Variants in COL4A2 observed in about 807,000 individuals in gnomAD.
The protein encoded by COL4A2 is collagen alpha-2(IV) chain.
In COL4A2, 99 loss-of-function variants were observed where a neutral mutation model predicts 200.2. The ratio of observed to expected loss-of-function variants is 0.49; its 90% confidence interval spans 0.42 to 0.58. The LOEUF is 0.58. Ranked by LOEUF, COL4A2 falls within the 20% of genes least tolerant of loss-of-function variation. COL4A2 has a pLI of 0.00. For missense variants in COL4A2, 1,950 were observed against 2,314.1 expected, an observed-to-expected ratio of 0.84 and a Z score of 3.23; for synonymous variants, 897 against 900.6, an observed-to-expected ratio of 1.00 and a Z score of 0.07.
Position 110,462,306 on chromosome 13 carries a change from T to G in COL4A2, c.1698T>G (p.Gly566=). The G allele has an allele frequency of 1.2e-6, 2 of 1,614,204 alleles. No homozygotes were observed. Among genetic ancestry groups the G allele is most frequent in the Non-Finnish European group, 1.7e-6 (2 of 1,180,044 alleles). Residue 566 remains glycine, a synonymous_variant, in exon 24 of 48, where the codon GGT becomes GGG. Transcript: ENST00000360467. ...KGERGQPGVP[G]VPGMKGDDGS... ...AGCGGGGACAGCCCGGCGTCCCAGG[T>G]GTGCCCGGGATGAAAGGTGACGATG...
At position 110,445,817 on chromosome 13, in the gene COL4A2, T is replaced by C. The variant is rs769495793; in HGVS notation, c.958-12T>C. The C allele has an allele frequency of 8.7e-6, 14 of 1,614,134 alleles. No homozygotes were observed. The Admixed American group carries it at 1.7e-4, about 19-fold the overall frequency. On this transcript the variant is annotated splice_polypyrimidine_tract_variant and intron_variant, in intron 16 of 47. Coordinates refer to ENST00000360467, the MANE Select transcript of COL4A2 (RefSeq NM_001846.4). ...CAGAGACAAAAATTAAAAGCAAATATCTTTCTTGCAGGGAAGCCGAGGCCT... is the reference window on the plus strand; with the variant it reads ...CAGAGACAAAAATTAAAAGCAAATACCTTTCTTGCAGGGAAGCCGAGGCCT...
chr13:110,322,198 G>A (rs565188966), intron 3 of COL4A2, among the ~76,000 whole-genome samples: 1 of 152,318 alleles, frequency 6.6e-6, no homozygotes, highest in African/African-American at 2.4e-5. Context: ...AGGAGCAGGG[G>A]GCAAGGAAGC....
chr13:110,354,653 T>C (rs909899283), intron 3 of COL4A2, among the ~76,000 whole-genome samples: 15 of 151,430 alleles, frequency 9.9e-5, no homozygotes, highest in African/African-American at 3.4e-4. Flanking sequence ...TAGTAACTGA[T>C]GCATCAGATA....
chr13:110,326,975 C>T (rs1028935165), intron 3 of COL4A2, among the ~76,000 whole-genome samples: 3 of 152,222 alleles, frequency 2.0e-5, no homozygotes. Context: ...AATGTATCCC[C>T]TCCTCTTATT....
intron 3 of COL4A2, among the ~76,000 whole-genome samples, chr13:110,345,945 T>C (rs1387620074): frequency 6.6e-6 from 1 of 152,180 alleles, no homozygotes; most frequent in Non-Finnish European, 1.5e-5. Context: ...TAGTGCCAGC[T>C]GTGTGTCCAC....
At chr13:110,422,931 A>C (rs1450330470) in intron 4 of COL4A2, among the ~76,000 whole-genome samples, 1 of 152,198 alleles carries the variant, frequency 6.6e-6, no homozygotes, top group Non-Finnish European at 1.5e-5. Flanking sequence ...TGGATTGCTG[A>C]GAATGGCATT....
rs151338826 is a variant in COL4A2 at position 110,437,265 on chromosome 13, G to A, written c.826-737G>A. On this transcript the variant is annotated intron_variant, in intron 13 of 47. Coordinates refer to ENST00000360467, the MANE Select transcript of COL4A2 (RefSeq NM_001846.4). ...CGTTGACAAAAATGTCCTGGGAGAC[G>A]GCAGGGAGGGCCTCTGTCCAGCTTC... Among the ~76,000 whole-genome samples, 372 of 152,312 alleles carry A rather than the reference G, an allele frequency of 2.4e-3. 3 individuals carry two copies. The highest frequency in any genetic ancestry group is 8.5e-3 in the African/African-American group (353 of 41,576).
chr13:110,395,710 C>T (rs769952643), intron 4 of COL4A2, among the ~76,000 whole-genome samples: 16 of 152,048 alleles, frequency 1.1e-4, no homozygotes, highest in South Asian at 2.1e-4. Flanking sequence ...TTTAGGAGGC[C>T]GAGGAGGGCG....
chr13:110,423,641 C>T (rs1489106268), intron 4 of COL4A2, among the ~76,000 whole-genome samples: 18 of 152,176 alleles, frequency 1.2e-4, no homozygotes, highest in Admixed American at 1.2e-3. Flanking sequence ...GTTGTGCAAC[C>T]TTCACCACCA....
chr13:110,511,352 T>C (rs1356789002), intron 47 of COL4A2, among the ~76,000 whole-genome samples: 2 of 152,148 alleles, frequency 1.3e-5, no homozygotes, highest in Non-Finnish European at 2.9e-5. Context: ...GTAATACATA[T>C]TTATTGTGAA....
At chr13:110,474,127 A>G (rs1443186532) in intron 29 of COL4A2, among the ~76,000 whole-genome samples, 2 of 151,102 alleles carry the variant, frequency 1.3e-5, no homozygotes, top group African/African-American at 2.4e-5. Flanking sequence ...ACTCTGTCTC[A>G]AAAAGAAAAG....
In COL4A2 at chr13:110,430,446, T is replaced by C; in HGVS notation, c.585+10T>C. The C allele has an allele frequency of 6.2e-7, 1 of 1,614,190 alleles. No homozygotes were observed. The highest frequency in any genetic ancestry group is 8.5e-7 in the Non-Finnish European group (1 of 1,180,032). The stretch of plus-strand genomic sequence containing the variant: ...ATTGGTCGGTTTCCAGGTAAGTTTA[T>C]TTTTATTGGACGATATTCCAAACAA... On this transcript the variant is annotated intron_variant, in intron 9 of 47. Transcript: ENST00000360467.
At chr13:110,458,687 GCT>G in intron 21 of COL4A2, 82 bp from the exon 22 acceptor site, 1 of 1,557,640 alleles carries the variant, frequency 6.4e-7, no homozygotes, top group South Asian at 1.2e-5. Context: ...GTGCCACCCA[GCT>G]CTCCCCGCTG....
chr13:110,430,608 G>GT lies in COL4A2; in HGVS notation c.648+2dup. The GT allele has an allele frequency of 6.2e-7, 1 of 1,614,184 alleles. No individual in the cohort carries two copies. Among genetic ancestry groups the GT allele is most frequent in the Non-Finnish European group, 8.5e-7 (1 of 1,180,006 alleles). On this transcript the variant is annotated splice_donor_variant, in intron 10 of 47. Coordinates refer to ENST00000360467, the MANE Select transcript of COL4A2 (RefSeq NM_001846.4). LOFTEE classifies it high-confidence loss of function. ...TCCAGTTGGAGCTCCAGGGAGACCAGTAAGTACCTGGACACAGGTGCCCAC... is the reference window on the plus strand; with the variant it reads ...TCCAGTTGGAGCTCCAGGGAGACCAGTTAAGTACCTGGACACAGGTGCCCAC...
At chr13:110,413,082 G>A (rs986823950) in intron 4 of COL4A2, among the ~76,000 whole-genome samples, 13 of 152,258 alleles carry the variant, frequency 8.5e-5, no homozygotes, top group Middle Eastern at 3.4e-3. Context: ...AGGGTGGAGG[G>A]GACTAAAGGA....
intron 4 of COL4A2, among the ~76,000 whole-genome samples, chr13:110,404,951 C>A (rs1431635019): frequency 6.6e-6 from 1 of 152,110 alleles, no homozygotes; most frequent in African/African-American, 2.4e-5. Flanking sequence ...AAGTAAGCAA[C>A]ATAATCCAAA....
At chr13:110,322,990 C>T (rs1253646963) in intron 3 of COL4A2, among the ~76,000 whole-genome samples, 2 of 152,226 alleles carry the variant, frequency 1.3e-5, no homozygotes, top group Non-Finnish European at 2.9e-5. Context: ...GGGCGTGTTG[C>T]CATCTCCTTT....
chr13:110,489,909 C>A, intron 36 of COL4A2, 124 bp downstream of exon 36: 2 of 967,322 alleles, frequency 2.1e-6, no homozygotes, highest in South Asian at 1.6e-5. Context: ...TGAATGAGGT[C>A]TTCAAGTCCA....
At chr13:110,505,417 C>T (rs1883826689) in intron 45 of COL4A2, among the ~76,000 whole-genome samples, 1 of 152,168 alleles carries the variant, frequency 6.6e-6, no homozygotes, top group South Asian at 2.1e-4. Flanking sequence ...ATAGCAGTCC[C>T]CTGCCCCTGG....
Sources: allele counts gnomAD v4.1 joint callset (sites outside exome capture counted in the v4.1 genomes callset), GRCh38; gene constraint gnomAD v4.1.1; transcripts MANE v1.5; gene names NCBI Gene and HGNC (gene_info 2026-07-23, HGNC 2026-07-21).